The following DACH1 variants were observed in gnomAD, a reference collection of about 807,000 sequenced individuals.
DACH1 encodes dachshund family transcription factor 1, also known as dachshund homolog 1.
In DACH1, 12 loss-of-function variants were observed where a neutral mutation model predicts 54.2. That is an observed-to-expected ratio of 0.22 (90% CI 0.14 to 0.36). The LOEUF is 0.36. DACH1 is among the 10% of genes least tolerant of loss of function. The pLI, the probability that DACH1 is intolerant of heterozygous loss-of-function variation, is 1.00. For synonymous variants in DACH1, 386 were observed against 366.2 expected, an observed-to-expected ratio of 1.05 and a Z score of -0.62; for missense variants, 805 against 929.8, an observed-to-expected ratio of 0.87 and a Z score of 1.75.
intron 1 of DACH1, among the ~76,000 whole-genome samples, chr13:71,742,032 T>C (rs1256248489): frequency 3.3e-5 from 5 of 152,156 alleles, no homozygotes; most frequent in Admixed American, 1.3e-4. Flanking sequence ...AATTGAATCA[T>C]GGGGGCCAGT....
chr13:71,737,147 C>T lies in DACH1; in HGVS notation c.849-55237G>A, dbSNP rs145359285. On this transcript the variant is annotated intron_variant, in intron 1 of 10. Transcript: ENST00000613252. ...CTGAGGCAGAAGAATCGCTTGAACC[C>T]GAGAGGCAGAGGCTGCAGTGAGCTA... 2.2e-4 allele frequency among the ~76,000 whole-genome samples: 33 copies of T among 151,902 alleles called. 1 individual carries two copies. The East Asian group carries it at 2.9e-3, about 13-fold the overall frequency.
At chr13:71,483,817 G>A (rs1200176083) in intron 7 of DACH1, among the ~76,000 whole-genome samples, 3 of 152,066 alleles carry the variant, frequency 2.0e-5, no homozygotes, top group South Asian at 2.1e-4. Context: ...TTGCTATTGT[G>A]TTACAGTTGT....
At chr13:71,716,374 T>C (rs1334260263) in intron 1 of DACH1, among the ~76,000 whole-genome samples, 1 of 152,140 alleles carries the variant, frequency 6.6e-6, no homozygotes, top group Non-Finnish European at 1.5e-5. Flanking sequence ...TATCATAGCA[T>C]ACAAGACTCT....
chr13:71,549,406 G>GT lies in DACH1; in HGVS notation c.1570+7617dup, dbSNP rs555893808. Among the ~76,000 whole-genome samples, 18 of 152,160 alleles carry GT rather than the reference G, an allele frequency of 1.2e-4. No individual in the cohort carries two copies. The South Asian group carries it at 3.5e-3, about 30-fold the overall frequency. Reference sequence around the variant, plus strand: ...ATAAAGCAGATTAAGTGGAATAATAGTTTTTTTAAATGCGGAAAAGGCATC... The same window carrying GT: ...ATAAAGCAGATTAAGTGGAATAATAGTTTTTTTTAAATGCGGAAAAGGCATC... On this transcript the variant is annotated intron_variant, in intron 6 of 10. Transcript: ENST00000613252.
At chr13:71,539,423 G>C (rs772575552) in intron 6 of DACH1, among the ~76,000 whole-genome samples, 4 of 152,020 alleles carry the variant, frequency 2.6e-5, no homozygotes, top group Admixed American at 6.6e-5. Flanking sequence ...CTAGAAACCT[G>C]TCAGAATTAA....
At chr13:71,581,378 C>T (rs1229748108) in intron 3 of DACH1, among the ~76,000 whole-genome samples, 1 of 152,112 alleles carries the variant, frequency 6.6e-6, no homozygotes, top group African/African-American at 2.4e-5. Flanking sequence ...GATTCTTCTG[C>T]CCAGCCTCCA....
At chr13:71,855,179 C>A (rs1006743507) in intron 1 of DACH1, among the ~76,000 whole-genome samples, 1 of 151,892 alleles carries the variant, frequency 6.6e-6, no homozygotes, top group African/African-American at 2.4e-5. Flanking sequence ...AACCACTTAT[C>A]CAAATGGTTT....
At chr13:71,865,692 G>A (rs1320567733) in intron 1 of DACH1, among the ~76,000 whole-genome samples, 3 of 152,162 alleles carry the variant, frequency 2.0e-5, no homozygotes, top group Non-Finnish European at 4.4e-5. Flanking sequence ...GACCCAGAGG[G>A]CAAGGGGAGG....
chr13:71,775,131 T>C (rs1164902887), intron 1 of DACH1, among the ~76,000 whole-genome samples: 1 of 119,494 alleles, frequency 8.4e-6, no homozygotes, highest in Non-Finnish European at 1.7e-5. Flanking sequence ...CACAAGCTTT[T>C]TTTTTTTTTT....
intron 2 of DACH1, among the ~76,000 whole-genome samples, chr13:71,675,776 T>C (rs192025327): frequency 4.6e-5 from 7 of 152,314 alleles, no homozygotes; most frequent in Admixed American, 4.6e-4. Flanking sequence ...ATAAACCTGT[T>C]AAATTTTTCT....
intron 1 of DACH1, among the ~76,000 whole-genome samples, chr13:71,766,601 A>G (rs1386732606): frequency 3.3e-5 from 5 of 152,206 alleles, no homozygotes; most frequent in Admixed American, 1.3e-4. Flanking sequence ...TACAATTGAC[A>G]TGACTGGCAG....
intron 1 of DACH1, among the ~76,000 whole-genome samples, chr13:71,865,657 A>T (rs4883897): frequency 1.3e-5 from 2 of 151,842 alleles, no homozygotes; most frequent in African/African-American, 2.4e-5. Flanking sequence ...CGGCTTTCCC[A>T]CATCCCACAG....
At position 71,475,720 on chromosome 13, in the gene DACH1, A is replaced by AGACT. The variant is rs763543044; in HGVS notation, c.1996_1999dup (p.Leu667GlnfsTer7). ...CACCCTCTTACCATTTAAGACCCTG[A>AGACT]GACTATCTGTTGAAGCTGCCTGTTT... On this transcript the variant is annotated frameshift_variant, in exon 9 of 11. Coordinates refer to ENST00000613252, the MANE Select transcript of DACH1 (RefSeq NM_080759.6). LOFTEE classifies it high-confidence loss of function. 2 of 1,612,518 alleles carry AGACT rather than the reference A, an allele frequency of 1.2e-6. No homozygotes were observed. The highest frequency in any genetic ancestry group is 2.7e-5 in the African/African-American group (2 of 74,808).
intron 6 of DACH1, among the ~76,000 whole-genome samples, chr13:71,530,361 C>A (rs759569806): frequency 2.6e-5 from 4 of 152,050 alleles, no homozygotes; most frequent in Non-Finnish European, 5.9e-5. Context: ...TTTACTAACT[C>A]ACATGGTAAT....
intron 1 of DACH1, among the ~76,000 whole-genome samples, chr13:71,745,550 T>G (rs1884567897): frequency 6.6e-6 from 1 of 152,220 alleles, no homozygotes; most frequent in Non-Finnish European, 1.5e-5. Context: ...ATTTCAGGTT[T>G]CCACCAACTA....
chr13:71,445,812 T>C (rs1874401396), intron 10 of DACH1, among the ~76,000 whole-genome samples: 1 of 152,234 alleles, frequency 6.6e-6, no homozygotes, highest in African/African-American at 2.4e-5. Context: ...TAGCTGCATG[T>C]GGACATACCC....
Position 71,438,966 on chromosome 13 carries a change from T to G in DACH1, c.*1689A>C, listed in dbSNP as rs955703159. 6.6e-6 allele frequency: 1 copy of G among 152,468 alleles called. No homozygotes were observed. The highest frequency in any genetic ancestry group is 2.4e-5 in the African/African-American group (1 of 41,442). The allele number at this position is 152,468 out of a possible 1,614,324, so 9.4% of individuals were successfully genotyped here. A position where few individuals can be genotyped will look rare whatever the true frequency, so the allele number is the denominator to read the frequency against. ...ATGGTATTAAAAAGATGAACTTAGCTGGCTAATAGTGAGCTACACAAAAGA... is the reference window on the plus strand; with the variant it reads ...ATGGTATTAAAAAGATGAACTTAGCGGGCTAATAGTGAGCTACACAAAAGA... On this transcript the variant is annotated 3_prime_UTR_variant, in exon 11 of 11. Coordinates refer to ENST00000613252, the MANE Select transcript of DACH1 (RefSeq NM_080759.6).
intron 3 of DACH1, among the ~76,000 whole-genome samples, chr13:71,574,860 C>T (rs920105988): frequency 1.3e-4 from 20 of 152,036 alleles, no homozygotes; most frequent in Non-Finnish European, 2.5e-4. Flanking sequence ...CTTGCTCCTA[C>T]ACTGTGATAT....
chr13:71,836,446 C>G (rs1888788104), intron 1 of DACH1, among the ~76,000 whole-genome samples: 1 of 152,018 alleles, frequency 6.6e-6, no homozygotes, highest in South Asian at 2.1e-4. Flanking sequence ...AATCCCCAAG[C>G]CAGCAAGTGG....
Sources: allele counts gnomAD v4.1 joint callset (sites outside exome capture counted in the v4.1 genomes callset), GRCh38; gene constraint gnomAD v4.1.1; transcripts MANE v1.5; gene names NCBI Gene and HGNC (gene_info 2026-07-23, HGNC 2026-07-21).